Variants in MRPL48 observed in about 807,000 individuals in gnomAD.
The protein encoded by MRPL48 is mitochondrial ribosomal protein L48, also known as large ribosomal subunit protein mL48.
MRPL48 carries 16 observed loss-of-function variants against 32.9 expected under a neutral mutation model. That is an observed-to-expected ratio of 0.49 (90% CI 0.33 to 0.74). MRPL48 has a LOEUF of 0.74. MRPL48 is among the 30% of genes least tolerant of loss of function. The probability of loss-of-function intolerance (pLI) is 0.02; values close to 1 mark genes in which losing one functional copy is unlikely to be tolerated. For synonymous variants in MRPL48, 94 were observed against 89.2 expected (o/e 1.05, Z -0.31); for missense variants, 206 against 245.3 (o/e 0.84, Z 1.07).
intron 6 of MRPL48, among the ~76,000 whole-genome samples, chr11:73,862,902 G>T (rs377648896): frequency 6.6e-6 from 1 of 152,198 alleles, no homozygotes; most frequent in Admixed American, 6.5e-5. Flanking sequence ...CTGGGCAACA[G>T]AAAGAAACCC....
intron 1 of MRPL48, among the ~76,000 whole-genome samples, chr11:73,800,983 G>A (rs181650923): frequency 6.5e-4 from 99 of 151,902 alleles, no homozygotes; most frequent in African/African-American, 2.3e-3. Context: ...GGCTAATTTT[G>A]TATTTTTAGT....
At chr11:73,793,358 A>C (rs1261097928) in intron 1 of MRPL48, among the ~76,000 whole-genome samples, 8 of 152,152 alleles carry the variant, frequency 5.3e-5, no homozygotes, top group Non-Finnish European at 1.0e-4. Context: ...GAGCCACTGC[A>C]CCTGGCCATG....
chr11:73,861,160 ATAAC>A (rs754437450), intron 6 of MRPL48, among the ~76,000 whole-genome samples: 2 of 152,380 alleles, frequency 1.3e-5, no homozygotes, highest in East Asian at 1.9e-4. Flanking sequence ...AATTTAAAAA[ATAAC>A]TAAGTACAAT....
In MRPL48 at chr11:73,840,300, C is replaced by T. The variant is rs115507842; in HGVS notation, c.202-4507C>T. ...TTGAACCCAGGAGTTTGAGACCAGC[C>T]TGTGCAACGTGGAAAAACCTTGTCT... is the stretch of plus-strand genomic sequence containing the variant. On this transcript the variant is annotated intron_variant, in intron 4 of 7. Coordinates refer to ENST00000310614, the MANE Select transcript of MRPL48 (RefSeq NM_016055.6). Among the ~76,000 whole-genome samples the T allele has an allele frequency of 6.2e-3, 949 of 152,236 alleles. 12 individuals carry two copies. Among genetic ancestry groups the T allele is most frequent in the African/African-American group, 0.022 (903 of 41,532 alleles).
intron 3 of MRPL48, among the ~76,000 whole-genome samples, chr11:73,810,627 A>G (rs1235248706): frequency 6.7e-6 from 1 of 150,202 alleles, no homozygotes; most frequent in Non-Finnish European, 1.5e-5. Context: ...TGTTACATAG[A>G]TACACGTGCC....
At chr11:73,849,437 G>T (rs1948351927) in intron 5 of MRPL48, among the ~76,000 whole-genome samples, 1 of 152,146 alleles carries the variant, frequency 6.6e-6, no homozygotes, top group South Asian at 2.1e-4. Context: ...GCGCCCCGTG[G>T]CAACTTTTTA....
At chr11:73,844,487 A>ATAGAAGGCC (rs1948250521) in intron 4 of MRPL48, among the ~76,000 whole-genome samples, 1 of 152,192 alleles carries the variant, frequency 6.6e-6, no homozygotes, top group Non-Finnish European at 1.5e-5. Context: ...AAATTGAGTA[A>ATAGAAGGCC]TAGAAGGCCA....
intron 2 of MRPL48, among the ~76,000 whole-genome samples, chr11:73,806,684 A>G (rs1019310900): frequency 6.6e-6 from 1 of 152,148 alleles, no homozygotes; most frequent in Non-Finnish European, 1.5e-5. Context: ...AAATGAATGA[A>G]TTGACCTTCA....
At chr11:73,800,559 C>T (rs1947341315) in intron 1 of MRPL48, among the ~76,000 whole-genome samples, 1 of 152,112 alleles carries the variant, frequency 6.6e-6, no homozygotes, top group East Asian at 1.9e-4. Flanking sequence ...AGTGCAGCAT[C>T]TGTGTCCTCA....
At chr11:73,845,541 G>A (rs1004352474) in intron 5 of MRPL48, among the ~76,000 whole-genome samples, 1 of 152,216 alleles carries the variant, frequency 6.6e-6, no homozygotes, top group Non-Finnish European at 1.5e-5. Flanking sequence ...GGGAGGCTAA[G>A]GTGGGAGGAT....
chr11:73,801,566 A>T (rs901739453), intron 1 of MRPL48, among the ~76,000 whole-genome samples: 2 of 152,186 alleles, frequency 1.3e-5, no homozygotes, highest in East Asian at 1.9e-4. Context: ...TCATGGTTTT[A>T]CATCCTCTGG....
At chr11:73,826,154 C>G (rs1190015868) in intron 4 of MRPL48, among the ~76,000 whole-genome samples, 3 of 151,600 alleles carry the variant, frequency 2.0e-5, no homozygotes, top group African/African-American at 7.3e-5. Context: ...GTAGCTGGTA[C>G]TACAGGTTCT....
intron 3 of MRPL48, among the ~76,000 whole-genome samples, chr11:73,814,429 T>C (rs1187828777): frequency 3.3e-5 from 5 of 151,604 alleles, no homozygotes; most frequent in Non-Finnish European, 7.4e-5. Context: ...GCACGGTGGC[T>C]CACGCGTGTA....
intron 5 of MRPL48, among the ~76,000 whole-genome samples, chr11:73,847,582 A>G (rs2135060283): frequency 6.6e-6 from 1 of 152,144 alleles, no homozygotes; most frequent in South Asian, 2.1e-4. Flanking sequence ...CTGGGACTAC[A>G]GGCGCCTGCC....
chr11:73,817,495 C>T lies in MRPL48; in HGVS notation c.113-8213C>T, dbSNP rs182702196. On this transcript the variant is annotated intron_variant, in intron 3 of 7. Transcript: ENST00000310614. ...ATTTGAGAATCCCTTTTTACATACT[C>T]ATCAACATCGAGTATTATTTTTAAT... Among the ~76,000 whole-genome samples, 167 of 152,314 alleles carry T rather than the reference C, an allele frequency of 1.1e-3. No homozygotes were observed. In the Middle Eastern group the frequency reaches 0.024, roughly 22 times the overall value.
chr11:73,804,878 G>C, intron 1 of MRPL48, 149 bp from the exon 2 acceptor site: 2 of 583,126 alleles, frequency 3.4e-6, no homozygotes, highest in Non-Finnish European at 5.9e-6. Flanking sequence ...TGCATGCTTG[G>C]TGTTAATTGT....
chr11:73,852,778 C>T (rs1437502932), intron 5 of MRPL48, among the ~76,000 whole-genome samples: 1 of 152,100 alleles, frequency 6.6e-6, no homozygotes, highest in African/African-American at 2.4e-5. Flanking sequence ...ATCAGTATAT[C>T]GAAAAGTTAT....
At chr11:73,854,801 T>G (rs1948458596) in intron 5 of MRPL48, among the ~76,000 whole-genome samples, 1 of 152,222 alleles carries the variant, frequency 6.6e-6, no homozygotes, top group African/African-American at 2.4e-5. Flanking sequence ...TTACATTTGT[T>G]GAGCACCTAC....
At chr11:73,855,173 T>G (rs1429542434) in intron 5 of MRPL48, among the ~76,000 whole-genome samples, 2 of 151,988 alleles carry the variant, frequency 1.3e-5, no homozygotes, top group African/African-American at 2.4e-5. Context: ...TTAAACCTAC[T>G]TTTTTTCCTA....
Sources: gnomAD v4.1 joint callset for allele counts (sites outside exome capture counted in the v4.1 genomes callset) on GRCh38, gnomAD v4.1.1 for gene constraint, MANE v1.5 for transcripts, NCBI Gene and HGNC (gene_info 2026-07-23, HGNC 2026-07-21) for gene names.